The following ATP8A2 variants were observed in gnomAD, a reference collection of about 807,000 sequenced individuals.
ATP8A2 encodes phospholipid-transporting ATPase IB.
A neutral mutation model predicts 165.6 loss-of-function variants in ATP8A2; 100 were observed. The observed-to-expected ratio is 0.60, with a 90% confidence interval of 0.51 to 0.71. The LOEUF is 0.71. ATP8A2 is among the 30% of genes least tolerant of loss of function. The pLI is 0.00. For synonymous variants in ATP8A2, 543 were observed against 548.8 expected, an observed-to-expected ratio of 0.99 and a Z score of 0.15; for missense variants, 1,227 against 1,479.5, an observed-to-expected ratio of 0.83 and a Z score of 2.80.
chr13:25,484,137 G>A (rs1211427338), intron 2 of ATP8A2, among the ~76,000 whole-genome samples: 1 of 152,230 alleles, frequency 6.6e-6, no homozygotes, highest in African/African-American at 2.4e-5. Context: ...GTGTGGATTG[G>A]TGTTAAATCA....
At chr13:25,451,835 G>A (rs1312814650) in intron 1 of ATP8A2, among the ~76,000 whole-genome samples, 1 of 147,142 alleles carries the variant, frequency 6.8e-6, no homozygotes, top group African/African-American at 2.5e-5. Flanking sequence ...TTTCCTAAAA[G>A]CAAATATACC....
In ATP8A2 at chr13:25,412,569, G is replaced by A. The variant is rs181508062; in HGVS notation, c.76+40281G>A. Among the ~76,000 whole-genome samples, 4 of 152,192 alleles carry A rather than the reference G, an allele frequency of 2.6e-5. No individual in the cohort carries two copies. The South Asian group carries it at 6.2e-4, about 24-fold the overall frequency. ...CAGAACCACTGGCCAGGTGGCTGCC[G>A]AAGGACTTATAAGAAGGGCCTTCAG... On this transcript the variant is annotated intron_variant, in intron 1 of 36. Transcript: ENST00000381655.
At chr13:25,621,346 C>G (rs987465309) in intron 24 of ATP8A2, among the ~76,000 whole-genome samples, 17 of 152,296 alleles carry the variant, frequency 1.1e-4, no homozygotes, top group African/African-American at 4.1e-4. Flanking sequence ...GATAAATTAG[C>G]TATGAGATAT....
At chr13:25,598,342 C>T (rs1189555662) in intron 24 of ATP8A2, among the ~76,000 whole-genome samples, 3 of 152,102 alleles carry the variant, frequency 2.0e-5, no homozygotes, top group Non-Finnish European at 4.4e-5. Context: ...AGGACCTTTG[C>T]ATTTCTGTAT....
rs543100720 is a variant in ATP8A2 at position 25,855,128 on chromosome 13, G to C, written c.2957-5067G>C. On this transcript the variant is annotated intron_variant, in intron 30 of 36. Coordinates refer to ENST00000381655, the MANE Select transcript of ATP8A2 (RefSeq NM_016529.6). The stretch of plus-strand genomic sequence containing the variant: ...CAGCTGGGTGTGGTGGCGCATGCCT[G>C]TAATCCCAGCTACTTGGGAGGCTGA... Among the ~76,000 whole-genome samples, 3 of 152,104 alleles carry C rather than the reference G, an allele frequency of 2.0e-5. No individual in the cohort carries two copies. In the South Asian group the frequency reaches 6.2e-4, roughly 32 times the overall value.
chr13:25,769,354 A>G (rs746722646), intron 26 of ATP8A2, 125 bp downstream of exon 26: 51 of 893,446 alleles, frequency 5.7e-5, no homozygotes, highest in Non-Finnish European at 8.2e-5. Flanking sequence ...TGCTGTCTAG[A>G]TGAAACCCCG....
intron 33 of ATP8A2, among the ~76,000 whole-genome samples, chr13:25,868,346 C>T (rs1035386487): frequency 1.3e-5 from 2 of 152,146 alleles, no homozygotes; most frequent in African/African-American, 2.4e-5. Context: ...ATTGAATAGA[C>T]TCGGTCCAGT....
intron 27 of ATP8A2, among the ~76,000 whole-genome samples, chr13:25,786,440 G>A (rs1185789960): frequency 6.6e-6 from 1 of 152,146 alleles, no homozygotes; most frequent in Non-Finnish European, 1.5e-5. Flanking sequence ...TGCCTCAAGA[G>A]CATGTCAGTG....
chr13:25,480,988 C>T (rs572043620), intron 2 of ATP8A2, among the ~76,000 whole-genome samples: 61 of 152,230 alleles, frequency 4.0e-4, no homozygotes, highest in African/African-American at 1.4e-3. Context: ...ACCCCGTCTC[C>T]ACCAAAAAAA....
At chr13:25,512,994 T>C (rs2037311071) in intron 2 of ATP8A2, among the ~76,000 whole-genome samples, 1 of 125,330 alleles carries the variant, frequency 8.0e-6, no homozygotes. Context: ...ACGGGGTGGC[T>C]GGCCGGGCGG....
intron 5 of ATP8A2, 91 bp from the exon 6 acceptor site, chr13:25,533,182 A>C: frequency 4.1e-6 from 3 of 727,494 alleles, no homozygotes; most frequent in Non-Finnish European, 7.1e-6. Flanking sequence ...AGAATTAATA[A>C]ATGGAATTCT....
rs199795279 is a variant in ATP8A2, at chr13:26,002,848, C to CTGTGTGTGTGTGTG, written c.3378-9649_3378-9636dup. Among the ~76,000 whole-genome samples, 199 of 134,780 alleles carry CTGTGTGTGTGTGTG rather than the reference C, an allele frequency of 1.5e-3. 1 individual carries two copies. The highest frequency in any genetic ancestry group is 4.1e-3 in the East Asian group (18 of 4,396). The allele number at this position is 134,780 out of a possible 152,430, so 88.4% of individuals were successfully genotyped here. ...CTTTTTAAGGCTGAATAGTATTCCA[C>CTGTGTGTGTGTGTG]TGTGTGTGTGTGTGTGTGTGTGTGT... On this transcript the variant is annotated intron_variant, in intron 35 of 36. Coordinates refer to ENST00000381655, the MANE Select transcript of ATP8A2 (RefSeq NM_016529.6).
At chr13:25,554,229 A>G (rs2038908613) in intron 12 of ATP8A2, among the ~76,000 whole-genome samples, 1 of 152,096 alleles carries the variant, frequency 6.6e-6, no homozygotes, top group African/African-American at 2.4e-5. Flanking sequence ...GGCTGAAGAA[A>G]AGGCCTCTTG....
chr13:25,913,096 C>T (rs1954166126), intron 33 of ATP8A2, among the ~76,000 whole-genome samples: 1 of 152,188 alleles, frequency 6.6e-6, no homozygotes. Context: ...GTGAGCTGAT[C>T]TCATGTTATT....
intron 36 of ATP8A2, among the ~76,000 whole-genome samples, chr13:26,017,645 G>A (rs1957008544): frequency 6.6e-6 from 1 of 152,242 alleles, no homozygotes; most frequent in African/African-American, 2.4e-5. Context: ...GAGAACAGGA[G>A]TGGTGGCATT....
intron 33 of ATP8A2, among the ~76,000 whole-genome samples, chr13:25,940,735 A>C (rs1955047046): frequency 6.6e-6 from 1 of 152,118 alleles, no homozygotes; most frequent in South Asian, 2.1e-4. Context: ...ACCCCTCAGC[A>C]GGTGCAGGCG....
At chr13:25,409,899 C>T (rs112906273) in intron 1 of ATP8A2, among the ~76,000 whole-genome samples, 2,009 of 152,108 alleles carry the variant, frequency 0.013, 48 homozygotes, top group African/African-American at 0.045. Context: ...TGACATTGCA[C>T]TCACAGTTAT....
chr13:25,427,338 T>A (rs965614021), intron 1 of ATP8A2, among the ~76,000 whole-genome samples: 1 of 152,020 alleles, frequency 6.6e-6, no homozygotes, highest in Non-Finnish European at 1.5e-5. Flanking sequence ...ACCATCTAGT[T>A]GCAGGAAAAC....
chr13:25,804,802 A>T (rs891092863), intron 27 of ATP8A2, among the ~76,000 whole-genome samples: 8 of 152,272 alleles, frequency 5.3e-5, no homozygotes, highest in African/African-American at 1.9e-4. Flanking sequence ...GAATTCTGTG[A>T]ACTTAAAATC....
Sources: allele counts gnomAD v4.1 joint callset (sites outside exome capture counted in the v4.1 genomes callset), GRCh38; gene constraint gnomAD v4.1.1; transcripts MANE v1.5; gene names NCBI Gene and HGNC (gene_info 2026-07-23, HGNC 2026-07-21).